Variants in COG7 observed in about 807,000 individuals in gnomAD.
The protein encoded by COG7 is conserved oligomeric Golgi complex subunit 7.
In COG7, 49 loss-of-function variants were observed where a neutral mutation model predicts 91.5. That is an observed-to-expected ratio of 0.54 (90% confidence interval 0.43 to 0.68). COG7 has a LOEUF of 0.68. Among genes scored for constraint, COG7 ranks in the 30% least tolerant of loss-of-function variants. The probability of loss-of-function intolerance (pLI) is 0.00; values close to 1 mark genes in which losing one functional copy is unlikely to be tolerated. For missense variants in COG7, 895 were observed against 961.3 expected (o/e 0.93, Z 0.91); for synonymous variants, 365 against 388.7 (o/e 0.94, Z 0.72).
chr16:23,419,912 G>A (rs1306946925), intron 7 of COG7, among the ~76,000 whole-genome samples: 1 of 151,936 alleles, frequency 6.6e-6, no homozygotes, highest in East Asian at 1.9e-4. Context: ...CGAGGTGAGC[G>A]GATTTCTTGA....
At chr16:23,425,003 C>T (rs1321581634) in intron 6 of COG7, 56 bp from the exon 7 acceptor site, 7 of 1,507,166 alleles carry the variant, frequency 4.6e-6, no homozygotes, top group Non-Finnish European at 6.3e-6. Flanking sequence ...TAGGAGCCCA[C>T]CTTTTTTAAA....
At chr16:23,403,637 A>C in intron 13 of COG7, 57 bp downstream of exon 13, 1 of 1,595,458 alleles carries the variant, frequency 6.3e-7, no homozygotes, top group Non-Finnish European at 8.6e-7. Flanking sequence ...CACACTCAGT[A>C]TGCTTGAGTT....
At chr16:23,408,331 GCGAGTGGGGCGGGAGGTAGGGGA>G (rs1963500945) in intron 11 of COG7, among the ~76,000 whole-genome samples, 5 of 39,292 alleles carry the variant, frequency 1.3e-4, no homozygotes, top group Non-Finnish European at 1.9e-4. Flanking sequence ...GGAGGTAGGG[GCGAGTGGGGCGGGAGGTAGGGGA>G]CGAGTGGGGC....
chr16:23,399,630 C>T (rs182419674), intron 13 of COG7, among the ~76,000 whole-genome samples: 45 of 152,032 alleles, frequency 3.0e-4, no homozygotes, highest in African/African-American at 8.7e-4. Flanking sequence ...CTAGAGCTCT[C>T]GGTGTCAGAG....
At chr16:23,428,692 C>CTT (rs898850977) in intron 6 of COG7, among the ~76,000 whole-genome samples, 13 of 134,668 alleles carry the variant, frequency 9.7e-5, no homozygotes, top group South Asian at 2.4e-4. Flanking sequence ...TGTTTCTTTT[C>CTT]TTTTTTTTTT....
intron 16 of COG7, among the ~76,000 whole-genome samples, chr16:23,391,356 C>G (rs868065171): frequency 3.9e-5 from 6 of 152,180 alleles, no homozygotes; most frequent in Non-Finnish European, 7.3e-5. Context: ...AACACCAACA[C>G]GCATTTGAAT....
intron 11 of COG7, among the ~76,000 whole-genome samples, chr16:23,406,972 T>A (rs1596918856): frequency 6.6e-6 from 1 of 152,308 alleles, no homozygotes; most frequent in East Asian, 1.9e-4. Context: ...TTACCACCCA[T>A]CCTACCCATC....
chr16:23,392,157 T>G (rs1963207465), intron 16 of COG7: 1 of 1,432,736 alleles, frequency 7.0e-7, no homozygotes, highest in African/African-American at 1.4e-5. Context: ...GGTTCTCAAG[T>G]CCTCTTCGAA....
intron 1 of COG7, chr16:23,446,969 C>G: frequency 6.6e-6 from 1 of 152,290 alleles, no homozygotes; most frequent in Non-Finnish European, 1.5e-5. Context: ...AGGCTGGTCT[C>G]AAACTCCTGG....
At chr16:23,392,644 T>TAAG in intron 15 of COG7, 121 bp from the exon 16 acceptor site, 7 of 1,194,672 alleles carry the variant, frequency 5.9e-6, no homozygotes, top group Non-Finnish European at 8.6e-6. Context: ...CAGTTACATC[T>TAAG]TAGGGCCAGG....
chr16:23,420,071 A>G (rs1007864728), intron 7 of COG7, among the ~76,000 whole-genome samples: 1 of 152,124 alleles, frequency 6.6e-6, no homozygotes, highest in Non-Finnish European at 1.5e-5. Context: ...GAACCCGGGA[A>G]GCTGAGATTA....
At chr16:23,390,514 G>A (rs1211062121) in intron 16 of COG7, among the ~76,000 whole-genome samples, 5 of 150,958 alleles carry the variant, frequency 3.3e-5, no homozygotes, top group African/African-American at 7.3e-5. Flanking sequence ...CCCCCCCACC[G>A]GCTACTTTCT....
In COG7 at chr16:23,424,832, T is replaced by C. The variant is rs982179909; in HGVS notation, c.926A>G (p.Gln309Arg). 2 of 1,614,218 alleles carry C rather than the reference T, an allele frequency of 1.2e-6. No homozygotes were observed. The highest frequency in any genetic ancestry group is 2.7e-5 in the African/African-American group (2 of 75,060). The change falls in exon 7 of 17, where the codon CAG (glutamine) becomes CGG (arginine). Residue 309 changes from glutamine (Q) to arginine (R), a missense_variant. Physicochemically the swap from Gln to Arg is conservative, Grantham distance 43 (BLOSUM62 1). Coordinates refer to ENST00000307149, the MANE Select transcript of COG7 (RefSeq NM_153603.4). ...SNGVERAGPE[Q>R]ELTRLLEFYD... ...GAACTCCAGCAGCCTGGTGAGCTCC[T>C]GCTCGGGCCCTGCCCTCTCCACGCC...
intron 10 of COG7, among the ~76,000 whole-genome samples, chr16:23,411,448 G>C (rs1309730295): frequency 6.6e-6 from 1 of 152,160 alleles, no homozygotes; most frequent in East Asian, 1.9e-4. Flanking sequence ...ATATTTTCCA[G>C]AATACCAAAC....
intron 4 of COG7, among the ~76,000 whole-genome samples, chr16:23,435,727 TG>T (rs1342443739): frequency 2.0e-5 from 3 of 152,238 alleles, no homozygotes; most frequent in Admixed American, 6.5e-5. Flanking sequence ...ATATTTGCTC[TG>T]TTCCCCTTCA....
At chr16:23,421,273 A>ATGTTG in intron 7 of COG7, among the ~76,000 whole-genome samples, 1 of 151,910 alleles carries the variant, frequency 6.6e-6, no homozygotes, top group Middle Eastern at 3.4e-3. Context: ...TATTTACAAC[A>ATGTTG]TATTTGATAA....
intron 13 of COG7, among the ~76,000 whole-genome samples, chr16:23,399,665 C>T (rs776794102): frequency 6.6e-6 from 1 of 151,814 alleles, no homozygotes; most frequent in Admixed American, 6.6e-5. Flanking sequence ...GAGCTCAGGG[C>T]GATTAGAGAA....
chr16:23,438,083 CAAAA>C (rs34667957), intron 4 of COG7, among the ~76,000 whole-genome samples: 1 of 88,834 alleles, frequency 1.1e-5, no homozygotes. Context: ...GACTCCATCT[CAAAA>C]AAAAAAAAAA....
At chr16:23,393,095 C>G (rs902329270) in intron 15 of COG7, 138 bp downstream of exon 15, 2 of 709,910 alleles carry the variant, frequency 2.8e-6, no homozygotes, top group African/African-American at 1.8e-5. Flanking sequence ...AGCATGTGTA[C>G]AAAAAGTACA....
Sources: gnomAD v4.1 joint callset for allele counts (sites outside exome capture counted in the v4.1 genomes callset) on GRCh38, gnomAD v4.1.1 for gene constraint, MANE v1.5 for transcripts, NCBI Gene and HGNC (gene_info 2026-07-23, HGNC 2026-07-21) for gene names.